Variants in NUCB2 observed in about 807,000 individuals in gnomAD.
NUCB2 encodes nucleobindin-2.
A neutral mutation model predicts 57.9 loss-of-function variants in NUCB2; 48 were observed. That is an observed-to-expected ratio of 0.83 (90% CI 0.66 to 1.05). NUCB2 has a LOEUF of 1.05. NUCB2 is among the 50% of genes least tolerant of loss of function. The pLI is 0.00. For missense variants in NUCB2, 442 were observed against 476.2 expected, an observed-to-expected ratio of 0.93 and a Z score of 0.67; for synonymous variants, 139 against 152.1, an observed-to-expected ratio of 0.91 and a Z score of 0.64.
In NUCB2 at chr11:17,331,407, AACAG is replaced by A; in HGVS notation, c.1256-1_1258del. 6.9e-7 allele frequency: 1 copy of A among 1,443,896 alleles called. No homozygotes were observed. The highest frequency in any genetic ancestry group is 9.2e-7 in the Non-Finnish European group (1 of 1,091,136). 89.4% of individuals were successfully genotyped at this position (1,443,896 alleles called of 1,614,324 possible). A position where few individuals can be genotyped will look rare whatever the true frequency, so the allele number is the denominator to read the frequency against. ...AAATAAGAACTTTTTTCTTTTTTCC[AACAG>A]ACATTTAAAGTCTGAAGTCCACCAG... On this transcript the variant is annotated splice_acceptor_variant and splice_polypyrimidine_tract_variant and intron_variant, in intron 13 of 13. Transcript: ENST00000529010. LOFTEE classifies it high-confidence loss of function.
Position 17,279,634 on chromosome 11 carries a change from A to T in NUCB2, c.-156+2806A>T, listed in dbSNP as rs76387565. ...ATCTTGTTTTACCTCAGGTAATTGA[A>T]ACTGCAGAAAGTGAAATCGCAGATT... is the stretch of plus-strand genomic sequence containing the variant. On this transcript the variant is annotated intron_variant, in intron 1 of 13. Coordinates refer to ENST00000529010, the MANE Select transcript of NUCB2 (RefSeq NM_005013.4). Among the ~76,000 whole-genome samples the T allele has an allele frequency of 4.6e-3, 696 of 152,318 alleles. 6 individuals carry two copies. Among genetic ancestry groups the T allele is most frequent in the African/African-American group, 0.016 (661 of 41,570 alleles).
intron 2 of NUCB2, among the ~76,000 whole-genome samples, chr11:17,344,339 G>A (rs1314295584): frequency 1.3e-5 from 2 of 152,174 alleles, no homozygotes; most frequent in Admixed American, 6.5e-5. Flanking sequence ...AGACTAGGGT[G>A]TTAATTCAGC....
intron 11 of NUCB2, among the ~76,000 whole-genome samples, chr11:17,323,236 T>G (rs1161800562): frequency 1.3e-5 from 2 of 152,198 alleles, no homozygotes; most frequent in Non-Finnish European, 2.9e-5. Context: ...TGCCTTTTAT[T>G]ATATCAAGGT....
chr11:17,279,779 ATTTTTTTTTTTT>A (rs34261908), intron 1 of NUCB2, among the ~76,000 whole-genome samples: 8 of 96,362 alleles, frequency 8.3e-5, no homozygotes, highest in Non-Finnish European at 1.5e-4. Context: ...TTGGCAGAGC[ATTTTTTTTTTTT>A]TTTTTTTTTT....
intron 2 of NUCB2, among the ~76,000 whole-genome samples, chr11:17,346,861 G>C (rs1004759104): frequency 2.0e-5 from 3 of 152,092 alleles, no homozygotes; most frequent in African/African-American, 7.2e-5. Flanking sequence ...TCCAATCTGG[G>C]ATCACACATT....
At chr11:17,345,056 CTG>C (rs1952604644) in intron 2 of NUCB2, among the ~76,000 whole-genome samples, 2 of 152,164 alleles carry the variant, frequency 1.3e-5, no homozygotes, top group Admixed American at 1.3e-4. Flanking sequence ...TAAATGCTGT[CTG>C]TGTACCAATT....
At chr11:17,288,380 TA>T (rs1944150961) in intron 2 of NUCB2, among the ~76,000 whole-genome samples, 2 of 151,910 alleles carry the variant, frequency 1.3e-5, no homozygotes, top group South Asian at 4.1e-4. Context: ...CAGGCTGGAG[TA>T]AGGTGGCACA....
At position 17,332,088 on chromosome 11, in the gene NUCB2, T is replaced by C. The variant is rs974997969; in HGVS notation, c.*669T>C. 1 of 152,246 alleles carries C rather than the reference T, an allele frequency of 6.6e-6. No homozygotes were observed. Among genetic ancestry groups the C allele is most frequent in the Non-Finnish European group, 1.5e-5 (1 of 68,046 alleles). The allele number at this position is 152,246 out of a possible 1,614,324, so 9.4% of individuals were successfully genotyped here. On this transcript the variant is annotated 3_prime_UTR_variant, in exon 14 of 14. Transcript: ENST00000529010. ...AGTGGTTTAAACTAAATAGGAGTTTTTCTTCTTACATAAGTCTAGAAGTAG... is the reference window on the plus strand; with the variant it reads ...AGTGGTTTAAACTAAATAGGAGTTTCTCTTCTTACATAAGTCTAGAAGTAG...
chr11:17,347,445 T>G (rs1290652540), intron 2 of NUCB2, among the ~76,000 whole-genome samples: 1 of 152,238 alleles, frequency 6.6e-6, no homozygotes, highest in Admixed American at 6.5e-5. Context: ...TTTCACTCTT[T>G]CTGTCCAATT....
At chr11:17,315,506 G>C (rs761775587) in intron 11 of NUCB2, 31 bp downstream of exon 11, 4 of 1,314,658 alleles carry the variant, frequency 3.0e-6, no homozygotes, top group Non-Finnish European at 3.3e-6. Context: ...TGAGATGTAT[G>C]GTTCAACAAA....
Position 17,295,433 on chromosome 11 carries a change from T to C in NUCB2, c.110T>C (p.Ile37Thr). Residue 37 changes from isoleucine (I) to threonine (T), a missense_variant, in exon 3 of 14, where the codon ATT becomes ACT. By Grantham distance (89) the Ile-to-Thr change is moderately conservative. Transcript: ENST00000529010. ...ATAGACAAGACAAAAGTACAAAATATTCACCCTGTGGAAAGTGCGAAGATA... is the reference window on the plus strand; with the variant it reads ...ATAGACAAGACAAAAGTACAAAATACTCACCCTGTGGAAAGTGCGAAGATA... ...IDIDKTKVQN[I>T]HPVESAKIEP... 3 of 1,612,826 alleles carry C rather than the reference T, an allele frequency of 1.9e-6. No individual in the cohort carries two copies. The highest frequency in any genetic ancestry group is 2.5e-6 in the Non-Finnish European group (3 of 1,179,592).
At position 17,282,782 on chromosome 11, in the gene NUCB2, C is replaced by T. The variant is rs1404365798; in HGVS notation, c.-155-7C>T. ...ATTTATTTATTTTTATTTTTTTTTA[C>T]ATTTAGAACGTGTTACGAGTCAGTT... On this transcript the variant is annotated splice_polypyrimidine_tract_variant and splice_region_variant and intron_variant, in intron 1 of 13. Coordinates refer to ENST00000529010, the MANE Select transcript of NUCB2 (RefSeq NM_005013.4). The T allele has an allele frequency of 6.6e-6, 1 of 151,232 alleles. No homozygotes were observed. The highest frequency in any genetic ancestry group is 2.4e-5 in the African/African-American group (1 of 41,158). 9.4% of individuals were successfully genotyped at this position (151,232 alleles called of 1,614,324 possible).
rs566889813 is a variant in NUCB2, at chr11:17,295,452, G to A, written c.129G>A (p.Ala43=). 1.2e-6 allele frequency: 2 copies of A among 1,610,706 alleles called. No individual in the cohort carries two copies. Among genetic ancestry groups the A allele is most frequent in the African/African-American group, 1.3e-5 (1 of 74,754 alleles). The change falls in exon 3 of 14, where the codon GCG becomes GCA. Residue 43 remains alanine, a synonymous_variant. Transcript: ENST00000529010. ...KVQNIHPVES[A]KIEPPDTGLY... The stretch of plus-strand genomic sequence containing the variant: ...AAAATATTCACCCTGTGGAAAGTGC[G>A]AAGATAGAACCACCAGTAAGTGAAA...
chr11:17,288,377 G>A (rs181813195), intron 2 of NUCB2, among the ~76,000 whole-genome samples: 12 of 152,150 alleles, frequency 7.9e-5, no homozygotes, highest in Admixed American at 3.3e-4. Flanking sequence ...ACCCAGGCTG[G>A]AGTAAGGTGG....
intron 2 of NUCB2, among the ~76,000 whole-genome samples, chr11:17,289,280 AT>A (rs983369094): frequency 7.1e-4 from 108 of 152,036 alleles, no homozygotes; most frequent in African/African-American, 2.5e-3. Flanking sequence ...TTTGCTAGAG[AT>A]TTTCTTCCAA....
At chr11:17,326,752 C>T (rs1179834403) in intron 11 of NUCB2, among the ~76,000 whole-genome samples, 1 of 152,182 alleles carries the variant, frequency 6.6e-6, no homozygotes. Context: ...ACGACAATTA[C>T]AGTGTTATAC....
Position 17,309,552 on chromosome 11 carries a change from G to A in NUCB2, c.380-20G>A, listed in dbSNP as rs1591427171. 2 of 1,358,592 alleles carry A rather than the reference G, an allele frequency of 1.5e-6. No individual in the cohort carries two copies. The highest frequency in any genetic ancestry group is 2.0e-6 in the Non-Finnish European group (2 of 983,504). The allele number at this position is 1,358,592 out of a possible 1,614,324, so 84.2% of individuals were successfully genotyped here. A position where few individuals can be genotyped will look rare whatever the true frequency, so the allele number is the denominator to read the frequency against. On this transcript the variant is annotated intron_variant, in intron 5 of 13. Coordinates refer to ENST00000529010, the MANE Select transcript of NUCB2 (RefSeq NM_005013.4). ...AGCTTCTAGAAATTGATCATTTACA[G>A]TTTTCTTATTTTCTTTCAGATATAG...
intron 10 of NUCB2, among the ~76,000 whole-genome samples, chr11:17,312,800 G>A (rs1050223757): frequency 7.3e-5 from 11 of 151,036 alleles, no homozygotes; most frequent in South Asian, 2.1e-4. Flanking sequence ...TCTGCCTCCC[G>A]GGTTCAAGTG....
chr11:17,290,127 A>G (rs966758260), intron 2 of NUCB2, among the ~76,000 whole-genome samples: 7 of 152,216 alleles, frequency 4.6e-5, no homozygotes, highest in African/African-American at 1.7e-4. Flanking sequence ...CAGGTAAAGC[A>G]CTAGTTGTTC....
Sources: allele counts gnomAD v4.1 joint callset (sites outside exome capture counted in the v4.1 genomes callset), GRCh38; gene constraint gnomAD v4.1.1; transcripts MANE v1.5; gene names NCBI Gene and HGNC (gene_info 2026-07-23, HGNC 2026-07-21).